Variants in RSU1 observed in about 807,000 individuals in gnomAD.
RSU1 encodes rsu-1.
Under a neutral mutation model 31.1 loss-of-function variants are expected in RSU1, and 26 were observed. That is an observed-to-expected ratio of 0.84 (90% CI 0.61 to 1.16). The LOEUF is 1.16. Ranked by LOEUF, RSU1 falls within the 50% of genes most tolerant of loss-of-function variation. RSU1 has a pLI of 0.00. For synonymous variants in RSU1, 164 were observed against 136.3 expected, an observed-to-expected ratio of 1.20 and a Z score of -1.41; for missense variants, 320 against 339.1, an observed-to-expected ratio of 0.94 and a Z score of 0.44.
At chr10:16,675,214 A>G (rs796498085) in intron 8 of RSU1, among the ~76,000 whole-genome samples, 9 of 151,030 alleles carry the variant, frequency 6.0e-5, no homozygotes, top group South Asian at 2.1e-4. Flanking sequence ...AAAAAAAAAA[A>G]AAAGAAAGAA....
At chr10:16,632,660 C>T (rs1327024516) in intron 8 of RSU1, among the ~76,000 whole-genome samples, 1 of 152,098 alleles carries the variant, frequency 6.6e-6, no homozygotes, top group Non-Finnish European at 1.5e-5. Context: ...AAAGACAGGC[C>T]GAGTGTGGTG....
chr10:16,790,062 G>A (rs1177531773), intron 2 of RSU1, among the ~76,000 whole-genome samples: 1 of 152,166 alleles, frequency 6.6e-6, no homozygotes, highest in African/African-American at 2.4e-5. Flanking sequence ...TGGGGGCAGG[G>A]TGAGGTTGCT....
chr10:16,783,422 C>T (rs1431738831), intron 2 of RSU1, among the ~76,000 whole-genome samples: 2 of 142,266 alleles, frequency 1.4e-5, no homozygotes, highest in African/African-American at 2.8e-5. Flanking sequence ...GCCACGCAAT[C>T]TCAGCTCACT....
chr10:16,733,996 G>T (rs181853495), intron 7 of RSU1, among the ~76,000 whole-genome samples: 1 of 152,180 alleles, frequency 6.6e-6, no homozygotes, highest in Non-Finnish European at 1.5e-5. Flanking sequence ...CTTGCTAATT[G>T]CATCTGCCAC....
At chr10:16,662,500 T>G (rs1834907019) in intron 8 of RSU1, among the ~76,000 whole-genome samples, 1 of 152,218 alleles carries the variant, frequency 6.6e-6, no homozygotes, top group Non-Finnish European at 1.5e-5. Flanking sequence ...AAAATTACAC[T>G]GACACCTTTT....
intron 8 of RSU1, among the ~76,000 whole-genome samples, chr10:16,661,731 G>A (rs1202015661): frequency 5.9e-5 from 9 of 152,112 alleles, no homozygotes; most frequent in African/African-American, 9.7e-5. Flanking sequence ...AAAGAGTTTC[G>A]TCCTCCAACT....
At chr10:16,780,342 C>T (rs947682812) in intron 3 of RSU1, among the ~76,000 whole-genome samples, 2 of 152,192 alleles carry the variant, frequency 1.3e-5, no homozygotes, top group Admixed American at 6.5e-5. Flanking sequence ...ACTGCAACCT[C>T]GACCTACTGG....
intron 7 of RSU1, among the ~76,000 whole-genome samples, chr10:16,698,846 C>T (rs77187561): frequency 0.02 from 2,993 of 152,296 alleles, 90 homozygotes; most frequent in African/African-American, 0.069. Context: ...AACCCATCTG[C>T]ATATTTTAGC....
intron 8 of RSU1, among the ~76,000 whole-genome samples, chr10:16,649,803 A>G (rs891694324): frequency 3.9e-5 from 6 of 152,212 alleles, no homozygotes; most frequent in African/African-American, 7.2e-5. Flanking sequence ...ATGAGATTTC[A>G]TAAGAGACAT....
chr10:16,679,751 TC>T (rs1835293744), intron 8 of RSU1, among the ~76,000 whole-genome samples: 1 of 151,388 alleles, frequency 6.6e-6, no homozygotes, highest in African/African-American at 2.4e-5. Flanking sequence ...CCAGCTCAGC[TC>T]CCACGTGGCC....
intron 2 of RSU1, among the ~76,000 whole-genome samples, chr10:16,789,410 C>T (rs537963366): frequency 5.9e-5 from 9 of 152,252 alleles, no homozygotes; most frequent in South Asian, 2.1e-4. Context: ...GACTCCAGGT[C>T]GGGTCTGCAG....
intron 7 of RSU1, among the ~76,000 whole-genome samples, chr10:16,747,267 C>G (rs1024518610): frequency 6.6e-6 from 1 of 152,204 alleles, no homozygotes; most frequent in African/African-American, 2.4e-5. Context: ...CCAATTTGTA[C>G]TCTTAAATGT....
intron 8 of RSU1, among the ~76,000 whole-genome samples, chr10:16,596,015 G>A (rs1311305044): frequency 6.6e-6 from 1 of 151,778 alleles, no homozygotes; most frequent in Non-Finnish European, 1.5e-5. Flanking sequence ...CAACCTATAG[G>A]GGCTCCCCCA....
At chr10:16,715,557 A>C (rs1261661908) in intron 7 of RSU1, among the ~76,000 whole-genome samples, 1 of 152,152 alleles carries the variant, frequency 6.6e-6, no homozygotes, top group African/African-American at 2.4e-5. Context: ...TTTCTTAACA[A>C]GACTGTCTTT....
chr10:16,795,337 G>C (rs1412248602), intron 2 of RSU1, among the ~76,000 whole-genome samples: 2 of 121,644 alleles, frequency 1.6e-5, no homozygotes, highest in Admixed American at 1.1e-4. Context: ...CTGGGCGACA[G>C]AGTGAGACTC....
chr10:16,681,763 C>T (rs1408170055), intron 8 of RSU1, among the ~76,000 whole-genome samples: 1 of 151,976 alleles, frequency 6.6e-6, no homozygotes, highest in African/African-American at 2.4e-5. Context: ...GATGAGTAAT[C>T]TAAGAACAAG....
At chr10:16,615,117 T>G (rs895218599) in intron 8 of RSU1, among the ~76,000 whole-genome samples, 8 of 151,972 alleles carry the variant, frequency 5.3e-5, no homozygotes, top group African/African-American at 1.9e-4. Context: ...GACCCATTGG[T>G]GTGCTGTATT....
At chr10:16,607,739 G>A (rs1016831752) in intron 8 of RSU1, among the ~76,000 whole-genome samples, 2 of 152,180 alleles carry the variant, frequency 1.3e-5, no homozygotes, top group Non-Finnish European at 2.9e-5. Flanking sequence ...GAACCCTGTA[G>A]AGCAAATCAC....
chr10:16,802,095 G>C (rs528829289), intron 2 of RSU1, among the ~76,000 whole-genome samples: 1 of 151,312 alleles, frequency 6.6e-6, no homozygotes, highest in South Asian at 2.1e-4. Flanking sequence ...AGAAATCAGT[G>C]ATACTTAAAA....
Sources: allele counts gnomAD v4.1 joint callset (sites outside exome capture counted in the v4.1 genomes callset), GRCh38; gene constraint gnomAD v4.1.1; transcripts MANE v1.5; gene names NCBI Gene and HGNC (gene_info 2026-07-23, HGNC 2026-07-21).